Variants in NDFIP2 observed in about 807,000 individuals in gnomAD.
The protein encoded by NDFIP2 is Nedd4 family interacting protein 2, also known as NEDD4 family-interacting protein 2.
A neutral mutation model predicts 36.0 loss-of-function variants in NDFIP2; 19 were observed. The observed-to-expected ratio is 0.53, with a 90% CI of 0.37 to 0.77. The LOEUF (loss-of-function observed/expected upper bound fraction) is 0.77, where lower values mean the gene tolerates loss of function less well. NDFIP2 is among the 30% of genes least tolerant of loss of function. The pLI is 0.00. For missense variants in NDFIP2, 446 were observed against 435.8 expected (o/e 1.02, Z -0.21); for synonymous variants, 181 against 167.7 (o/e 1.08, Z -0.61).
At chr13:79,545,998 G>A (rs1875658777) in intron 5 of NDFIP2, among the ~76,000 whole-genome samples, 1 of 152,156 alleles carries the variant, frequency 6.6e-6, no homozygotes, top group Non-Finnish European at 1.5e-5. Context: ...AAAGTGCTAG[G>A]ATTACAGGCG....
chr13:79,506,239 A>AT (rs1339933066), intron 1 of NDFIP2, among the ~76,000 whole-genome samples: 1 of 152,148 alleles, frequency 6.6e-6, no homozygotes, highest in Non-Finnish European at 1.5e-5. Context: ...CATGTTACCT[A>AT]TTTCGTCTAT....
intron 1 of NDFIP2, among the ~76,000 whole-genome samples, chr13:79,492,588 TAG>T (rs1461321782): frequency 6.6e-6 from 1 of 152,024 alleles, no homozygotes; most frequent in Non-Finnish European, 1.5e-5. Context: ...TTTTTAGAGA[TAG>T]AGTCTTACTA....
At chr13:79,510,382 G>GT (rs567176342) in intron 1 of NDFIP2, among the ~76,000 whole-genome samples, 11,600 of 137,000 alleles carry the variant, frequency 0.085, 1,075 homozygotes, top group African/African-American at 0.24. Flanking sequence ...GATTTTTTTT[G>GT]TTTTTTTTTT....
In NDFIP2 at chr13:79,536,098, G is replaced by A. The variant is rs558768223; in HGVS notation, c.621+2642G>A. On this transcript the variant is annotated intron_variant, in intron 3 of 7. Coordinates refer to ENST00000218652, the MANE Select transcript of NDFIP2 (RefSeq NM_019080.3). Reference sequence around the variant, plus strand: ...CTATTTCTGATGTGTAGAATTGCACGTATGTTATGGAATGGTTAAGTAGAT... The same window carrying A: ...CTATTTCTGATGTGTAGAATTGCACATATGTTATGGAATGGTTAAGTAGAT... Among the ~76,000 whole-genome samples the A allele has an allele frequency of 1.1e-4, 17 of 152,194 alleles. No individual in the cohort carries two copies. In the South Asian group the frequency reaches 1.9e-3, roughly 17 times the overall value.
intron 1 of NDFIP2, among the ~76,000 whole-genome samples, chr13:79,493,942 G>A (rs570518266): frequency 2.0e-5 from 3 of 152,052 alleles, no homozygotes; most frequent in South Asian, 2.1e-4. Context: ...ACCAAAAGAC[G>A]AATAATTAAA....
Position 79,550,997 on chromosome 13 carries a change from T to C in NDFIP2, c.908-20T>C, listed in dbSNP as rs1481683112. On this transcript the variant is annotated intron_variant, in intron 6 of 7. Transcript: ENST00000218652. ...TCTGTATAAAAACATAGTATATCCA[T>C]ATTATTTCAACCTTCTCAGGCCTGC... 2 of 1,443,800 alleles carry C rather than the reference T, an allele frequency of 1.4e-6. No individual in the cohort carries two copies. The highest frequency in any genetic ancestry group is 2.0e-5 in the Admixed American group (1 of 50,138). 89.4% of individuals were successfully genotyped at this position (1,443,800 alleles called of 1,614,324 possible).
At position 79,503,985 on chromosome 13, in the gene NDFIP2, G is replaced by C. The variant is rs1489889176; in HGVS notation, c.322-16825G>C. Among the ~76,000 whole-genome samples, 9 of 152,254 alleles carry C rather than the reference G, an allele frequency of 5.9e-5. No homozygotes were observed. In the East Asian group the frequency reaches 1.7e-3, roughly 29 times the overall value. The stretch of plus-strand genomic sequence containing the variant: ...TGTGAGGATTAGCACCCTTATTTGA[G>C]AGGGCTTTGAGGGATGTAGTGCCAT... On this transcript the variant is annotated intron_variant, in intron 1 of 7. Coordinates refer to ENST00000218652, the MANE Select transcript of NDFIP2 (RefSeq NM_019080.3).
chr13:79,482,893 C>T (rs1315617832), intron 1 of NDFIP2, among the ~76,000 whole-genome samples: 1 of 152,016 alleles, frequency 6.6e-6, no homozygotes, highest in African/African-American at 2.4e-5. Flanking sequence ...CAGTGTACAC[C>T]CTTTTGATGG....
chr13:79,481,755 C>T (rs2079814897), intron 1 of NDFIP2, among the ~76,000 whole-genome samples: 1 of 152,174 alleles, frequency 6.6e-6, no homozygotes, highest in African/African-American at 2.4e-5. Flanking sequence ...TAGCTCCTCA[C>T]CCGCACCCTT....
At chr13:79,523,392 G>A (rs1034310564) in intron 2 of NDFIP2, among the ~76,000 whole-genome samples, 1 of 152,008 alleles carries the variant, frequency 6.6e-6, no homozygotes, top group Admixed American at 6.6e-5. Context: ...GGCGAATTTT[G>A]TATTTTTAGT....
At chr13:79,541,387 ATTAG>A (rs1366458058) in intron 4 of NDFIP2, among the ~76,000 whole-genome samples, 1 of 151,234 alleles carries the variant, frequency 6.6e-6, no homozygotes, top group African/African-American at 2.4e-5. Context: ...GTGGTAGTAT[ATTAG>A]TTAATATAAT....
intron 3 of NDFIP2, 74 bp from the exon 4 acceptor site, chr13:79,539,607 GA>G: frequency 1.7e-6 from 2 of 1,183,468 alleles, no homozygotes; most frequent in Non-Finnish European, 2.5e-6. Flanking sequence ...AGATGTTGCT[GA>G]AGTTCTTATG....
chr13:79,522,559 A>G (rs1359904441), intron 2 of NDFIP2, among the ~76,000 whole-genome samples: 2 of 152,152 alleles, frequency 1.3e-5, no homozygotes, highest in Non-Finnish European at 2.9e-5. Context: ...GACTGGACTG[A>G]ACTATGCTCT....
chr13:79,540,384 A>T (rs186264224), intron 4 of NDFIP2, among the ~76,000 whole-genome samples: 3 of 152,320 alleles, frequency 2.0e-5, no homozygotes, highest in Admixed American at 1.3e-4. Flanking sequence ...CATTATTTCA[A>T]TTCATAATAC....
At chr13:79,504,217 T>C (rs1873774829) in intron 1 of NDFIP2, among the ~76,000 whole-genome samples, 1 of 152,198 alleles carries the variant, frequency 6.6e-6, no homozygotes, top group Non-Finnish European at 1.5e-5. Context: ...TTAAACTTTA[T>C]TGAAAAATAA....
At chr13:79,487,370 A>G (rs1017159031) in intron 1 of NDFIP2, among the ~76,000 whole-genome samples, 2 of 152,188 alleles carry the variant, frequency 1.3e-5, no homozygotes, top group Non-Finnish European at 2.9e-5. Context: ...TTTTTATCAT[A>G]TAGTTTTCAT....
intron 2 of NDFIP2, among the ~76,000 whole-genome samples, chr13:79,530,839 C>T (rs1874987226): frequency 6.6e-6 from 1 of 152,182 alleles, no homozygotes; most frequent in African/African-American, 2.4e-5. Flanking sequence ...GTCTTAAACC[C>T]CTCAGTCATC....
In NDFIP2 at chr13:79,551,088, G is replaced by T. The variant is rs545263129; in HGVS notation, c.979G>T (p.Ala327Ser). ...AAACATGTCTGAAAGTATGGCAGCT[G>T]CTCATAGAACAAGGTATTTCTTCTT... ...VRNMSESMAAAHRTRYFFLL is the reference protein window; with the variant it reads ...VRNMSESMAASHRTRYFFLL Residue 327 changes from alanine (A) to serine (S), a missense_variant, in exon 7 of 8, where the codon GCT (alanine) becomes TCT (serine). Coordinates refer to ENST00000218652, the MANE Select transcript of NDFIP2 (RefSeq NM_019080.3). 1.0e-5 allele frequency: 16 copies of T among 1,602,664 alleles called. No homozygotes were observed. The South Asian group carries it at 1.0e-4, about 10-fold the overall frequency.
chr13:79,494,973 T>C (rs1481019983), intron 1 of NDFIP2, among the ~76,000 whole-genome samples: 1 of 151,978 alleles, frequency 6.6e-6, no homozygotes, highest in Non-Finnish European at 1.5e-5. Flanking sequence ...AAATTTCTGT[T>C]GTTCTGTGTT....
Sources: allele counts gnomAD v4.1 joint callset (sites outside exome capture counted in the v4.1 genomes callset), GRCh38; gene constraint gnomAD v4.1.1; transcripts MANE v1.5; gene names NCBI Gene and HGNC (gene_info 2026-07-23, HGNC 2026-07-21).